The following ARL15 variants were observed in gnomAD, a reference collection of about 807,000 sequenced individuals.
ARL15 encodes the protein ADP-ribosylation factor-like protein 15.
Under a neutral mutation model 25.2 loss-of-function variants are expected in ARL15, and 19 were observed. That is an observed-to-expected ratio of 0.75 (90% CI 0.53 to 1.10). The LOEUF is 1.10. Among genes scored for constraint, ARL15 ranks in the 50% least tolerant of loss-of-function variants. ARL15 has a pLI of 0.00. For synonymous variants in ARL15, 94 were observed against 86.8 expected (o/e 1.08, Z -0.46); for missense variants, 220 against 246.0 (o/e 0.89, Z 0.71).
chr5:54,131,039 G>A (rs16882278), intron 3 of ARL15, among the ~76,000 whole-genome samples: 2,501 of 152,292 alleles, frequency 0.016, 78 homozygotes, highest in African/African-American at 0.056. Flanking sequence ...AAGGATTACA[G>A]AAGTGCTGAG....
At chr5:54,225,718 G>A (rs1427039721) in intron 1 of ARL15, among the ~76,000 whole-genome samples, 1 of 152,130 alleles carries the variant, frequency 6.6e-6, no homozygotes, top group Non-Finnish European at 1.5e-5. Context: ...GCTGACAAGA[G>A]GGTGCCCAAA....
intron 4 of ARL15, 161 bp downstream of exon 4, chr5:54,113,041 A>T (rs544398984): frequency 1.6e-5 from 11 of 682,068 alleles, no homozygotes; most frequent in Non-Finnish European, 2.4e-5. Context: ...ACAAGTGCTA[A>T]CAGATTGATA....
At chr5:54,127,625 A>C (rs1157796481) in intron 3 of ARL15, among the ~76,000 whole-genome samples, 1 of 151,974 alleles carries the variant, frequency 6.6e-6, no homozygotes, top group East Asian at 1.9e-4. Context: ...TGCCATCCCC[A>C]TCAAGCTACC....
intron 4 of ARL15, among the ~76,000 whole-genome samples, chr5:53,911,375 T>C (rs1745458833): frequency 6.6e-6 from 1 of 151,662 alleles, no homozygotes; most frequent in Non-Finnish European, 1.5e-5. Context: ...GTCCTTTCTT[T>C]CCTTCTCTCC....
intron 4 of ARL15, among the ~76,000 whole-genome samples, chr5:54,110,809 T>C (rs2112210065): frequency 6.6e-6 from 1 of 152,166 alleles, no homozygotes. Flanking sequence ...CCCAACGATT[T>C]TAAAGTTATT....
chr5:54,205,277 G>A (rs1213553433), intron 1 of ARL15, among the ~76,000 whole-genome samples: 4 of 152,108 alleles, frequency 2.6e-5, no homozygotes, highest in South Asian at 2.1e-4. Context: ...CCCCCATGAC[G>A]GTAAAGGCAT....
chr5:54,303,807 A>G (rs11951674), intron 1 of ARL15, among the ~76,000 whole-genome samples: 53,879 of 151,196 alleles, frequency 0.36, 11,790 homozygotes, highest in Non-Finnish European at 0.49. Flanking sequence ...GGCTTGGGGC[A>G]GGTAGGAATG....
At chr5:54,208,184 G>A (rs900970476) in intron 1 of ARL15, among the ~76,000 whole-genome samples, 10 of 151,986 alleles carry the variant, frequency 6.6e-5, no homozygotes, top group Non-Finnish European at 8.8e-5. Context: ...AAATACCCAC[G>A]GGAGAAACAC....
chr5:54,044,771 C>T (rs1004653086), intron 4 of ARL15, among the ~76,000 whole-genome samples: 9 of 152,150 alleles, frequency 5.9e-5, no homozygotes, highest in African/African-American at 1.9e-4. Context: ...GTGACCATTA[C>T]ATTTTAAAAA....
Position 54,016,390 on chromosome 5 carries a change from C to T in ARL15, c.462+96812G>A, listed in dbSNP as rs1266728188. Among the ~76,000 whole-genome samples, 3 of 152,168 alleles carry T rather than the reference C, an allele frequency of 2.0e-5. No homozygotes were observed. The East Asian group carries it at 5.8e-4, about 29-fold the overall frequency. ...ACGAGTGCAGGACAGGTTCCTCTTGCAGGCCAGTTTCATGGGTGTGTCACC... is the reference window on the plus strand; with the variant it reads ...ACGAGTGCAGGACAGGTTCCTCTTGTAGGCCAGTTTCATGGGTGTGTCACC... On this transcript the variant is annotated intron_variant, in intron 4 of 4. Transcript: ENST00000504924.
intron 4 of ARL15, among the ~76,000 whole-genome samples, chr5:54,020,505 AAGTAAAGAGGT>A (rs1749563935): frequency 6.6e-6 from 1 of 152,190 alleles, no homozygotes; most frequent in South Asian, 2.1e-4. Flanking sequence ...CCCATTGAAC[AAGTAAAGAGGT>A]AGAGCAGTAT....
intron 1 of ARL15, among the ~76,000 whole-genome samples, chr5:54,197,123 G>GTT (rs539582872): frequency 2.2e-4 from 33 of 148,522 alleles, no homozygotes; most frequent in Non-Finnish European, 4.6e-4. Context: ...TTTTCAGTTT[G>GTT]TTTTTTTTTT....
chr5:54,174,336 C>T (rs566688572), intron 1 of ARL15, among the ~76,000 whole-genome samples: 4 of 152,260 alleles, frequency 2.6e-5, no homozygotes, highest in Admixed American at 6.5e-5. Flanking sequence ...TTTTTCACTT[C>T]GCTTCAATGC....
intron 1 of ARL15, among the ~76,000 whole-genome samples, chr5:54,234,292 G>A (rs539011674): frequency 2.6e-5 from 4 of 151,374 alleles, no homozygotes; most frequent in East Asian, 1.9e-4. Context: ...GGCCTGGCCC[G>A]TTACTATTGT....
At chr5:54,221,906 T>C (rs1467733480) in intron 1 of ARL15, among the ~76,000 whole-genome samples, 1 of 151,620 alleles carries the variant, frequency 6.6e-6, no homozygotes, top group African/African-American at 2.4e-5. Context: ...GCACAGTGTG[T>C]GCGCACACAT....
chr5:54,117,676 G>T (rs533711575), intron 3 of ARL15, among the ~76,000 whole-genome samples: 4 of 152,218 alleles, frequency 2.6e-5, no homozygotes, highest in African/African-American at 9.6e-5. Flanking sequence ...ATAAGCACTT[G>T]TACAACTGTT....
chr5:54,080,783 G>A (rs156436), intron 4 of ARL15, among the ~76,000 whole-genome samples: 74,789 of 152,008 alleles, frequency 0.49, 20,436 homozygotes, highest in Non-Finnish European at 0.61. Context: ...TGTCACAACA[G>A]AGGAGTGAGG....
At chr5:54,212,304 A>G (rs1756065340) in intron 1 of ARL15, among the ~76,000 whole-genome samples, 3 of 152,226 alleles carry the variant, frequency 2.0e-5, no homozygotes, top group Admixed American at 6.5e-5. Context: ...AGGTAGTAAG[A>G]AGGGCACATC....
chr5:54,121,689 T>TGATG (rs1400014757), intron 3 of ARL15, among the ~76,000 whole-genome samples: 2 of 152,102 alleles, frequency 1.3e-5, no homozygotes, highest in Non-Finnish European at 2.9e-5. Flanking sequence ...AAGGACAGAA[T>TGATG]GATGGTAGAG....
Sources: allele counts gnomAD v4.1 joint callset (sites outside exome capture counted in the v4.1 genomes callset), GRCh38; gene constraint gnomAD v4.1.1; transcripts MANE v1.5; gene names NCBI Gene and HGNC (gene_info 2026-07-23, HGNC 2026-07-21).